GRIP1: variants seen among roughly 807,000 people sequenced by gnomAD.
GRIP1 encodes the protein glutamate receptor interacting protein 1.
A neutral mutation model predicts 129.9 loss-of-function variants in GRIP1; 45 were observed. That is an observed-to-expected ratio of 0.35 (90% confidence interval 0.27 to 0.44). The LOEUF is 0.44. GRIP1 is among the 20% of genes least tolerant of loss of function. The pLI is 1.00. For missense variants in GRIP1, 1,196 were observed against 1,396.8 expected (o/e 0.86, Z 2.29); for synonymous variants, 530 against 520.8 (o/e 1.02, Z -0.24).
At chr12:66,401,050 A>G (rs1036412582) in intron 16 of GRIP1, among the ~76,000 whole-genome samples, 2 of 152,182 alleles carry the variant, frequency 1.3e-5, no homozygotes, top group Non-Finnish European at 2.9e-5. Flanking sequence ...CCTGAGTTAC[A>G]TTCCTTCAGT....
chr12:67,058,297 C>T (rs1379934105), intron 1 of GRIP1, among the ~76,000 whole-genome samples: 1 of 152,068 alleles, frequency 6.6e-6, no homozygotes, highest in Non-Finnish European at 1.5e-5. Context: ...GACATAAATC[C>T]TAGTAATTTG....
chr12:66,605,103 T>C (rs2064459517), intron 1 of GRIP1, among the ~76,000 whole-genome samples: 1 of 151,330 alleles, frequency 6.6e-6, no homozygotes, highest in Non-Finnish European at 1.5e-5. Context: ...GCAGTAAATT[T>C]AGGGGAAAAT....
At chr12:67,060,987 T>A (rs1017358343) in intron 1 of GRIP1, among the ~76,000 whole-genome samples, 7 of 151,978 alleles carry the variant, frequency 4.6e-5, no homozygotes, top group South Asian at 2.1e-4. Context: ...CACCAGGGAG[T>A]GGCAGAGCCC....
intron 23 of GRIP1, among the ~76,000 whole-genome samples, chr12:66,355,613 G>C (rs979661341): frequency 6.6e-5 from 10 of 152,028 alleles, no homozygotes; most frequent in Admixed American, 1.3e-4. Context: ...AGGGAGAAGT[G>C]GTTAGGTTCA....
chr12:66,351,233 T>C (rs76193657), intron 24 of GRIP1, among the ~76,000 whole-genome samples: 2,046 of 152,302 alleles, frequency 0.013, 109 homozygotes, highest in Admixed American at 0.089. Context: ...GCCTCCTGCT[T>C]TGAAAGTCAG....
chr12:66,486,991 A>G (rs1426749541), intron 7 of GRIP1, among the ~76,000 whole-genome samples: 1 of 152,030 alleles, frequency 6.6e-6, no homozygotes, highest in African/African-American at 2.4e-5. Flanking sequence ...GGGTTTTACC[A>G]TGTTGCCCAG....
At chr12:66,975,113 G>A (rs1010648022) in intron 1 of GRIP1, among the ~76,000 whole-genome samples, 3 of 152,054 alleles carry the variant, frequency 2.0e-5, no homozygotes, top group African/African-American at 7.2e-5. Context: ...GGTATTGATA[G>A]CTGTTCCAGA....
chr12:66,687,865 G>A (rs747517568), intron 1 of GRIP1, among the ~76,000 whole-genome samples: 22 of 152,094 alleles, frequency 1.4e-4, no homozygotes, highest in Non-Finnish European at 2.4e-4. Context: ...ACGGGGACTG[G>A]TCCAGAAATA....
chr12:66,717,562 T>C (rs1203207539), intron 1 of GRIP1, among the ~76,000 whole-genome samples: 5 of 152,172 alleles, frequency 3.3e-5, no homozygotes, highest in South Asian at 2.1e-4. Flanking sequence ...GCTCTGTCAT[T>C]ATGTAAATCC....
chr12:66,844,684 C>A lies in GRIP1; in HGVS notation c.58+224366G>T, dbSNP rs1452947968. 4.4e-4 allele frequency among the ~76,000 whole-genome samples: 67 copies of A among 152,088 alleles called. 1 individual carries two copies. Among genetic ancestry groups the A allele is most frequent in the Admixed American group, 4.3e-3 (66 of 15,274 alleles). ...TCACAGTAGCATTATTCACAATGGC[C>A]AAAAGATGGAAGCAACCCAAATGTC... is the stretch of plus-strand genomic sequence containing the variant. On this transcript the variant is annotated intron_variant, in intron 1 of 1. Transcript: ENST00000643019.
intron 1 of GRIP1, among the ~76,000 whole-genome samples, chr12:67,049,055 C>T (rs2043299635): frequency 6.6e-6 from 1 of 151,824 alleles, no homozygotes; most frequent in South Asian, 2.1e-4. Flanking sequence ...CAACACCTGG[C>T]CTCAAGCAAT....
chr12:66,532,244 C>T (rs1006268950), intron 4 of GRIP1, among the ~76,000 whole-genome samples: 2 of 152,088 alleles, frequency 1.3e-5, no homozygotes, highest in African/African-American at 4.8e-5. Flanking sequence ...TGGGTTTTCA[C>T]GTGCAGTACC....
intron 1 of GRIP1, among the ~76,000 whole-genome samples, chr12:66,851,909 A>G (rs1004115341): frequency 2.0e-5 from 3 of 152,142 alleles, no homozygotes; most frequent in Non-Finnish European, 4.4e-5. Context: ...TTTACAGATC[A>G]TAAAACTTTA....
intron 1 of GRIP1, among the ~76,000 whole-genome samples, chr12:67,050,978 G>A (rs73318948): frequency 0.022 from 3,365 of 152,218 alleles, 131 homozygotes; most frequent in African/African-American, 0.077. Flanking sequence ...GCTAAAATCA[G>A]TATCCTGAGA....
intron 22 of GRIP1, 183 bp from the exon 23 acceptor site, chr12:66,372,110 AC>A: frequency 1.6e-6 from 1 of 639,178 alleles, no homozygotes; most frequent in South Asian, 1.8e-5. Context: ...TTTGCAAGTG[AC>A]ATTTATAATG....
intron 1 of GRIP1, among the ~76,000 whole-genome samples, chr12:66,851,370 C>T (rs892618172): frequency 5.9e-5 from 9 of 152,190 alleles, no homozygotes; most frequent in African/African-American, 2.2e-4. Flanking sequence ...CAGGAAAATG[C>T]TATCATGGCT....
chr12:66,821,711 C>T (rs2039322236), intron 1 of GRIP1, among the ~76,000 whole-genome samples: 1 of 152,172 alleles, frequency 6.6e-6, no homozygotes, highest in Non-Finnish European at 1.5e-5. Context: ...CCATTGAGAT[C>T]ACCAGCAACT....
At chr12:66,958,703 T>C (rs2041879325) in intron 1 of GRIP1, among the ~76,000 whole-genome samples, 1 of 152,246 alleles carries the variant, frequency 6.6e-6, no homozygotes, top group Non-Finnish European at 1.5e-5. Context: ...TAATACCATC[T>C]ATTATTGATG....
intron 1 of GRIP1, among the ~76,000 whole-genome samples, chr12:66,885,618 G>A (rs2040553161): frequency 6.6e-6 from 1 of 152,144 alleles, no homozygotes; most frequent in South Asian, 2.1e-4. Context: ...GATGGGGTGA[G>A]GGCAGGGGCT....
Sources: gnomAD v4.1 joint callset for allele counts (sites outside exome capture counted in the v4.1 genomes callset) on GRCh38, gnomAD v4.1.1 for gene constraint, MANE v1.5 for transcripts, NCBI Gene and HGNC (gene_info 2026-07-23, HGNC 2026-07-21) for gene names.